The following SCTR variants were observed in gnomAD, a reference collection of about 807,000 sequenced individuals.
SCTR encodes the protein secretin receptor.
SCTR carries 56 observed loss-of-function variants against 60.8 expected under a neutral mutation model. The observed-to-expected ratio is 0.92, with a 90% confidence interval of 0.74 to 1.15. SCTR has a LOEUF of 1.15. Ranked by LOEUF, SCTR falls within the 50% of genes most tolerant of loss-of-function variation. The pLI, the probability that SCTR is intolerant of heterozygous loss-of-function variation, is 0.00. For synonymous variants in SCTR, 202 were observed against 217.0 expected (o/e 0.93, Z 0.61); for missense variants, 562 against 550.4 (o/e 1.02, Z -0.21).
At chr2:119,463,123 T>C (rs149722000) in intron 6 of SCTR, among the ~76,000 whole-genome samples, 9 of 152,130 alleles carry the variant, frequency 5.9e-5, no homozygotes, top group African/African-American at 1.9e-4. Flanking sequence ...TGGTAGGAAG[T>C]GGCAGGCAGG....
Position 119,478,822 on chromosome 2 carries a change from G to A in SCTR, c.290C>T (p.Thr97Ile), listed in dbSNP as rs764316645. ...VECPRFLRML[T>I]SRNGSLFRNC... ...GGCCGAGTGGTTACCATTTCTGCTG[G>A]TGAGCATCCGGAGGAATCTCGGGCA... Residue 97 changes from threonine (T) to isoleucine (I), a missense_variant, in exon 3 of 13, where the codon ACC (threonine) becomes ATC (isoleucine). Transcript: ENST00000019103. 6.2e-7 allele frequency: 1 copy of A among 1,614,172 alleles called. No individual in the cohort carries two copies. Among genetic ancestry groups the A allele is most frequent in the South Asian group, 1.1e-5 (1 of 91,066 alleles).
intron 1 of SCTR, among the ~76,000 whole-genome samples, chr2:119,520,123 C>G (rs7600103): frequency 0.02 from 3,068 of 152,256 alleles, 87 homozygotes; most frequent in African/African-American, 0.068. Flanking sequence ...AAGAAATCCA[C>G]AAATACTTCT....
intron 1 of SCTR, among the ~76,000 whole-genome samples, chr2:119,521,357 ACACT>A (rs952646386): frequency 5.9e-5 from 9 of 152,194 alleles, no homozygotes; most frequent in Non-Finnish European, 8.8e-5. Context: ...CATTCAACAA[ACACT>A]CACTGAGCTC....
In SCTR at chr2:119,464,274, G is replaced by A; in HGVS notation, c.504-19C>T. The A allele has an allele frequency of 6.2e-7, 1 of 1,613,990 alleles. No individual in the cohort carries two copies. ...GAGCCTCCTGCAGGGAGAGAATGTA[G>A]GGACATAGAGGCCAGAGCCTGAGGG... On this transcript the variant is annotated intron_variant, in intron 5 of 12. Coordinates refer to ENST00000019103, the MANE Select transcript of SCTR (RefSeq NM_002980.3).
At chr2:119,455,737 G>A (rs1281177537) in intron 7 of SCTR, among the ~76,000 whole-genome samples, 1 of 152,114 alleles carries the variant, frequency 6.6e-6, no homozygotes, top group Non-Finnish European at 1.5e-5. Flanking sequence ...ATTCCAGGAT[G>A]TACAACATTA....
chr2:119,497,586 A>C (rs538909424), intron 1 of SCTR, among the ~76,000 whole-genome samples: 219 of 151,926 alleles, frequency 1.4e-3, no homozygotes, highest in Non-Finnish European at 2.3e-3. Context: ...ACATCAGCAA[A>C]AAGGAAAGGA....
chr2:119,487,272 T>C (rs1677910350), intron 2 of SCTR: 2 of 152,214 alleles, frequency 1.3e-5, no homozygotes, highest in Non-Finnish European at 1.5e-5. Context: ...TAATTGCCAT[T>C]GAATTATTCA....
intron 5 of SCTR, 103 bp from the exon 6 acceptor site, chr2:119,464,358 C>T: frequency 1.4e-5 from 15 of 1,109,642 alleles, no homozygotes; most frequent in Non-Finnish European, 1.6e-5. Context: ...AGGCCCTAGA[C>T]TTCAGCTCTT....
chr2:119,467,521 T>C (rs991599968), intron 4 of SCTR, among the ~76,000 whole-genome samples: 8 of 152,314 alleles, frequency 5.3e-5, no homozygotes, highest in African/African-American at 1.7e-4. Context: ...GGTGAGGGTA[T>C]AGTGGGACTC....
intron 1 of SCTR, among the ~76,000 whole-genome samples, chr2:119,523,081 C>A (rs1199748241): frequency 2.0e-5 from 3 of 152,118 alleles, no homozygotes; most frequent in African/African-American, 7.2e-5. Context: ...CCAGAGGAGA[C>A]TAAGGGAAGA....
chr2:119,507,673 T>C (rs1329073782), intron 1 of SCTR, among the ~76,000 whole-genome samples: 3 of 129,038 alleles, frequency 2.3e-5, no homozygotes, highest in African/African-American at 8.2e-5. Flanking sequence ...CTTTTTTTTT[T>C]TTTTTTCTTT....
At chr2:119,448,801 G>A (rs1420968698) in intron 9 of SCTR, 21 bp from the exon 10 acceptor site, 3 of 1,416,284 alleles carry the variant, frequency 2.1e-6, no homozygotes, top group Non-Finnish European at 3.0e-6. Flanking sequence ...CAAGGCAGAG[G>A]TGGGGCTGAA....
intron 1 of SCTR, among the ~76,000 whole-genome samples, chr2:119,513,745 G>T (rs1376421659): frequency 1.3e-5 from 2 of 152,120 alleles, no homozygotes; most frequent in Non-Finnish European, 2.9e-5. Flanking sequence ...GTACTTCAAG[G>T]TTCTGAAGAG....
At chr2:119,510,857 T>C (rs1472257787) in intron 1 of SCTR, among the ~76,000 whole-genome samples, 1 of 152,174 alleles carries the variant, frequency 6.6e-6, no homozygotes, top group East Asian at 1.9e-4. Flanking sequence ...GCAACCATTT[T>C]CAACTCCTTT....
At chr2:119,466,034 A>C in intron 4 of SCTR, 148 bp from the exon 5 acceptor site, 1 of 604,698 alleles carries the variant, frequency 1.7e-6, no homozygotes. Context: ...GACACATAAC[A>C]CCGTAACATC....
intron 2 of SCTR, among the ~76,000 whole-genome samples, chr2:119,491,469 T>C (rs569719534): frequency 4.6e-4 from 70 of 152,262 alleles, no homozygotes; most frequent in Non-Finnish European, 1.8e-4. Context: ...CACATACTGT[T>C]CTTATCTCAT....
intron 2 of SCTR, among the ~76,000 whole-genome samples, chr2:119,483,502 C>T (rs1677727043): frequency 6.6e-6 from 1 of 152,264 alleles, no homozygotes; most frequent in South Asian, 2.1e-4. Flanking sequence ...GTGACACTGC[C>T]TTGTTCTCTC....
chr2:119,464,095 G>A (rs1289621413), intron 6 of SCTR, 28 bp downstream of exon 6: 57 of 1,613,112 alleles, frequency 3.5e-5, no homozygotes, highest in Middle Eastern at 3.3e-4. Flanking sequence ...CGGGCCTGGC[G>A]ACATCCTGGG....
rs765899029 is a variant in SCTR at position 119,452,016 on chromosome 2, G to A, written c.915C>T (p.Ser305=). ...GGAGAGGAGGGCCACTCACCAGGAT[G>A]GAGAGGATCACAGGACCACGAATGA... is the stretch of plus-strand genomic sequence containing the variant. ...WWIIRGPVIL[S]ILINFILFIN... is the part of the protein sequence containing the mutation. The change falls in exon 9 of 13, where the codon TCC becomes TCT. Residue 305 remains serine (S), a synonymous_variant. Coordinates refer to ENST00000019103, the MANE Select transcript of SCTR (RefSeq NM_002980.3). The A allele has an allele frequency of 9.4e-6, 15 of 1,599,430 alleles. No individual in the cohort carries two copies. The South Asian group carries it at 1.2e-4, about 13-fold the overall frequency.
Sources: allele counts gnomAD v4.1 joint callset (sites outside exome capture counted in the v4.1 genomes callset), GRCh38; gene constraint gnomAD v4.1.1; transcripts MANE v1.5; gene names NCBI Gene and HGNC (gene_info 2026-07-23, HGNC 2026-07-21).